The following SV2C variants were observed in gnomAD, a reference collection of about 807,000 sequenced individuals.
SV2C encodes the protein synaptic vesicle glycoprotein 2C, also known as solute carrier family 22 member B3.
SV2C carries 49 observed loss-of-function variants against 79.7 expected under a neutral mutation model. The ratio of observed to expected loss-of-function variants is 0.61; its 90% confidence interval spans 0.49 to 0.78. SV2C has a LOEUF of 0.78. Among genes scored for constraint, SV2C ranks in the 30% least tolerant of loss-of-function variants. The probability of loss-of-function intolerance (pLI) is 0.00; values close to 1 mark genes in which losing one functional copy is unlikely to be tolerated. For synonymous variants in SV2C, 334 were observed against 333.2 expected, an observed-to-expected ratio of 1.00 and a Z score of -0.03; for missense variants, 833 against 912.9, an observed-to-expected ratio of 0.91 and a Z score of 1.13.
the SV2C span, among the ~76,000 whole-genome samples, chr5:76,064,461 T>C: frequency 3.3e-5 from 5 of 152,226 alleles, no homozygotes; most frequent in South Asian, 1.0e-3. Context: ...AATAGCTGTT[T>C]CTACTTGGAG....
At chr5:76,227,037 G>A (rs1005124421) in intron 4 of SV2C, among the ~76,000 whole-genome samples, 1 of 152,196 alleles carries the variant, frequency 6.6e-6, no homozygotes, top group Non-Finnish European at 1.5e-5. Flanking sequence ...CTCAAGGAAA[G>A]GAAGGACCTC....
chr5:76,114,098 G>A (rs1380960092), intron 1 of SV2C, among the ~76,000 whole-genome samples: 3 of 152,166 alleles, frequency 2.0e-5, no homozygotes, highest in African/African-American at 7.2e-5. Flanking sequence ...CGGCTCTGTG[G>A]GGACTTGTGC....
At chr5:76,223,465 A>ATATATATG (rs1745139506) in intron 4 of SV2C, among the ~76,000 whole-genome samples, 1 of 61,382 alleles carries the variant, frequency 1.6e-5, no homozygotes, top group Non-Finnish European at 2.8e-5. Context: ...ATATATATAT[A>ATATATATG]TATATATATA....
At chr5:76,035,412 C>G in the SV2C span, among the ~76,000 whole-genome samples, 4 of 152,020 alleles carry the variant, frequency 2.6e-5, no homozygotes, top group African/African-American at 9.7e-5. Flanking sequence ...CCTCTACACA[C>G]TGTTTTGAAT....
rs117949152 is a variant in SV2C at position 76,238,436 on chromosome 5, G to A, written c.913+28549G>A. On this transcript the variant is annotated intron_variant, in intron 4 of 12. Coordinates refer to ENST00000502798, the MANE Select transcript of SV2C (RefSeq NM_014979.4). ...AGGTTTTGGGATGGGAGTGATCCGC[G>A]TTTTGTTCCCTGTAGTGTCTGTCCT... Among the ~76,000 whole-genome samples, 317 of 152,074 alleles carry A rather than the reference G, an allele frequency of 2.1e-3. 13 individuals are homozygous for A. In the East Asian group the frequency reaches 0.06, roughly 29 times the overall value.
chr5:76,321,490 A>C (rs1224498071), intron 12 of SV2C, among the ~76,000 whole-genome samples: 1 of 152,174 alleles, frequency 6.6e-6, no homozygotes, highest in African/African-American at 2.4e-5. Flanking sequence ...CTGTAATCCC[A>C]GCACTTTGGG....
chr5:76,181,420 C>T (rs1364447828), intron 2 of SV2C, among the ~76,000 whole-genome samples: 1 of 152,206 alleles, frequency 6.6e-6, no homozygotes, highest in Non-Finnish European at 1.5e-5. Flanking sequence ...TTCTATTAGT[C>T]TGTTTTCACA....
At chr5:76,217,209 C>T (rs558938091) in intron 4 of SV2C, among the ~76,000 whole-genome samples, 11 of 152,324 alleles carry the variant, frequency 7.2e-5, no homozygotes, top group South Asian at 4.1e-4. Flanking sequence ...CCCCACCCTA[C>T]GTCTCCAGCC....
intron 12 of SV2C, among the ~76,000 whole-genome samples, chr5:76,304,184 C>T (rs993874588): frequency 6.6e-6 from 1 of 152,242 alleles, no homozygotes; most frequent in Non-Finnish European, 1.5e-5. Context: ...CAGACGCTCT[C>T]CAGCACTTAA....
At position 76,331,655 on chromosome 5, in the gene SV2C, T is replaced by C. The variant is rs1008695936; in HGVS notation, c.*6108T>C. 2.0e-5 allele frequency: 3 copies of C among 152,304 alleles called. No individual in the cohort carries two copies. Among genetic ancestry groups the C allele is most frequent in the African/African-American group, 7.2e-5 (3 of 41,438 alleles). 9.4% of individuals were successfully genotyped at this position (152,304 alleles called of 1,614,324 possible). A position where few individuals can be genotyped will look rare whatever the true frequency, so the allele number is the denominator to read the frequency against. ...CTCCTCAGGGCAGTGCCCACTCATT[T>C]CCTTTATTTCCCTTTTGTTTTTTTT... On this transcript the variant is annotated 3_prime_UTR_variant, in exon 13 of 13. Transcript: ENST00000502798.
At chr5:76,263,708 C>G (rs1366677442) in intron 4 of SV2C, among the ~76,000 whole-genome samples, 1 of 152,118 alleles carries the variant, frequency 6.6e-6, no homozygotes, top group African/African-American at 2.4e-5. Flanking sequence ...GATTTTATTT[C>G]TCCTTCACTT....
the SV2C span, among the ~76,000 whole-genome samples, chr5:75,903,140 GTC>G: frequency 1.3e-5 from 2 of 152,118 alleles, no homozygotes; most frequent in South Asian, 2.1e-4. Flanking sequence ...TTAAATACTT[GTC>G]TCTCTTATTC....
chr5:75,907,728 A>G, the SV2C span, among the ~76,000 whole-genome samples: 1 of 152,224 alleles, frequency 6.6e-6, no homozygotes, highest in Non-Finnish European at 1.5e-5. Context: ...TTGGTTTTGA[A>G]AAGCAGAGAG....
In SV2C at chr5:76,327,498, A is replaced by C. The variant is rs1472599464; in HGVS notation, c.*1951A>C. On this transcript the variant is annotated 3_prime_UTR_variant, in exon 13 of 13. Transcript: ENST00000502798. ...AAAGACAGCAGTCAAACAACCCAAGAAAGTACCCTGTATGTTTTTCTTCTT... is the reference window on the plus strand; with the variant it reads ...AAAGACAGCAGTCAAACAACCCAAGCAAGTACCCTGTATGTTTTTCTTCTT... 2 of 152,210 alleles carry C rather than the reference A, an allele frequency of 1.3e-5. No homozygotes were observed. The highest frequency in any genetic ancestry group is 2.4e-5 in the African/African-American group (1 of 41,444). 9.4% of individuals were successfully genotyped at this position (152,210 alleles called of 1,614,324 possible).
intron 12 of SV2C, among the ~76,000 whole-genome samples, chr5:76,315,188 G>GCACACACACACACA (rs10606819): frequency 2.1e-5 from 3 of 145,096 alleles, no homozygotes; most frequent in African/African-American, 7.6e-5. Context: ...ATGGCCAGGC[G>GCACACACACACACA]CACACACACA....
intron 2 of SV2C, among the ~76,000 whole-genome samples, chr5:76,187,105 C>T (rs570348699): frequency 1.8e-4 from 28 of 152,270 alleles, no homozygotes; most frequent in African/African-American, 3.9e-4. Context: ...CAAGGTGATT[C>T]GCTTTAATGT....
At chr5:75,911,782 C>G in the SV2C span, 1 of 591,876 alleles carries the variant, frequency 1.7e-6, no homozygotes, top group Admixed American at 1.9e-5. Context: ...CCAAGACCAG[C>G]TTTAAGTCTC....
At chr5:75,923,219 A>G in the SV2C span, among the ~76,000 whole-genome samples, 1 of 152,240 alleles carries the variant, frequency 6.6e-6, no homozygotes, top group Non-Finnish European at 1.5e-5. Context: ...AGCCACATGT[A>G]GAAGAATGAA....
chr5:76,081,276 G>A (rs955727585), upstream of SV2C, among the ~76,000 whole-genome samples: 8 of 152,158 alleles, frequency 5.3e-5, no homozygotes, highest in African/African-American at 1.9e-4. Flanking sequence ...TCCATCACTT[G>A]GAGAAACAAT....
Sources: gnomAD v4.1 joint callset for allele counts (sites outside exome capture counted in the v4.1 genomes callset) on GRCh38, gnomAD v4.1.1 for gene constraint, MANE v1.5 for transcripts, NCBI Gene and HGNC (gene_info 2026-07-23, HGNC 2026-07-21) for gene names.